The following SLC9A4 variants were observed in gnomAD, a reference collection of about 807,000 sequenced individuals.
SLC9A4 encodes sodium/hydrogen exchanger 4.
Under a neutral mutation model 67.4 loss-of-function variants are expected in SLC9A4, and 63 were observed. That is an observed-to-expected ratio of 0.93 (90% confidence interval 0.76 to 1.15). The LOEUF (loss-of-function observed/expected upper bound fraction) is 1.15, where lower values mean the gene tolerates loss of function less well. SLC9A4 is among the 50% of genes most tolerant of loss of function. SLC9A4 has a pLI of 0.00. For synonymous variants in SLC9A4, 393 were observed against 367.2 expected (o/e 1.07, Z -0.80); for missense variants, 1,089 against 987.7 (o/e 1.10, Z -1.38).
rs557658860 is a variant in SLC9A4 at position 102,528,878 on chromosome 2, T to A, written c.2038+2532T>A. 3.9e-5 allele frequency among the ~76,000 whole-genome samples: 6 copies of A among 152,196 alleles called. No homozygotes were observed. The East Asian group carries it at 1.2e-3, about 29-fold the overall frequency. On this transcript the variant is annotated intron_variant, in intron 11 of 11. Coordinates refer to ENST00000295269, the MANE Select transcript of SLC9A4 (RefSeq NM_001011552.4). ...AAAGCCATAAAATGCCAGGAAGAAA[T>A]AGACAGGATATATATGAAGGAAAAA... is the stretch of plus-strand genomic sequence containing the variant.
At chr2:102,509,976 G>A (rs546346686) in intron 6 of SLC9A4, among the ~76,000 whole-genome samples, 1 of 151,244 alleles carries the variant, frequency 6.6e-6, no homozygotes, top group Non-Finnish European at 1.5e-5. Context: ...CACCCTCTGG[G>A]TTCTCAATTT....
intron 1 of SLC9A4, among the ~76,000 whole-genome samples, chr2:102,474,540 G>A (rs1339495867): frequency 6.6e-6 from 1 of 152,172 alleles, no homozygotes; most frequent in African/African-American, 2.4e-5. Flanking sequence ...GTGATGGGAT[G>A]TCGGGGCATA....
chr2:102,473,885 T>G lies in SLC9A4; in HGVS notation c.126T>G (p.Ser42=). Reference sequence around the variant, plus strand: ...CAAATTCCACTGCTCAGTATGCATCTAACGCTTGGTTTGCTGCTGCCAGCT... The same window carrying G: ...CAAATTCCACTGCTCAGTATGCATCGAACGCTTGGTTTGCTGCTGCCAGCT... ...ESANSTAQYA[S]NAWFAAASSE... The change falls in exon 1 of 12, where the codon TCT becomes TCG. Residue 42 remains serine, a synonymous_variant. Transcript: ENST00000295269. 6.2e-7 allele frequency: 1 copy of G among 1,614,138 alleles called. No homozygotes were observed. Among genetic ancestry groups the G allele is most frequent in the Non-Finnish European group, 8.5e-7 (1 of 1,179,958 alleles).
intron 1 of SLC9A4, among the ~76,000 whole-genome samples, chr2:102,475,151 C>G (rs1485324431): frequency 6.6e-6 from 1 of 152,190 alleles, no homozygotes; most frequent in Non-Finnish European, 1.5e-5. Flanking sequence ...ATAAGTTACA[C>G]AAAGGATCTT....
In SLC9A4 at chr2:102,518,796, T is replaced by G. The variant is rs114028774; in HGVS notation, c.1722-1063T>G. Among the ~76,000 whole-genome samples the G allele has an allele frequency of 9.1e-3, 1,389 of 152,264 alleles. 18 individuals carry two copies. Among genetic ancestry groups the G allele is most frequent in the African/African-American group, 0.027 (1,108 of 41,554 alleles). On this transcript the variant is annotated intron_variant, in intron 8 of 11. Coordinates refer to ENST00000295269, the MANE Select transcript of SLC9A4 (RefSeq NM_001011552.4). ...TGTGGCCAATTATCTTAAGAGCATA[T>G]GCAAGCAGATATCAAAGGCTTCAGT...
chr2:102,481,688 C>T (rs1311672534), intron 2 of SLC9A4, among the ~76,000 whole-genome samples: 1 of 151,974 alleles, frequency 6.6e-6, no homozygotes, highest in African/African-American at 2.4e-5. Context: ...TTCTTCCATT[C>T]TATTATTTAA....
intron 2 of SLC9A4, among the ~76,000 whole-genome samples, chr2:102,482,112 A>T (rs6751666): frequency 6.6e-6 from 1 of 152,144 alleles, no homozygotes; most frequent in African/African-American, 2.4e-5. Context: ...CAAGCTTCAC[A>T]AAAAGCCACA....
In SLC9A4 at chr2:102,473,908, G is replaced by A. The variant is rs1489345593; in HGVS notation, c.149G>A (p.Ser50Asn). 1.2e-6 allele frequency: 2 copies of A among 1,614,012 alleles called. No homozygotes were observed. Among genetic ancestry groups the A allele is most frequent in the Non-Finnish European group, 1.7e-6 (2 of 1,179,974 alleles). The change falls in exon 1 of 12, where the codon AGC becomes AAC. Residue 50 changes from serine (S) to asparagine (N), a missense_variant. Physicochemically the swap from Ser to Asn is conservative, Grantham distance 46. Coordinates refer to ENST00000295269, the MANE Select transcript of SLC9A4 (RefSeq NM_001011552.4). ...YASNAWFAAA[S>N]SEPEEGISVF... ...TCTAACGCTTGGTTTGCTGCTGCCA[G>A]CTCAGAGCCAGAGGAAGGGATATCT...
intron 10 of SLC9A4, 142 bp downstream of exon 10, chr2:102,525,297 T>A: frequency 1.5e-6 from 2 of 1,356,980 alleles, no homozygotes; most frequent in Non-Finnish European, 1.0e-6. Flanking sequence ...TGAGAGATAC[T>A]AAAGCAAGAG....
chr2:102,513,482 A>G lies in SLC9A4; in HGVS notation c.1560-608A>G, dbSNP rs550038185. Among the ~76,000 whole-genome samples the G allele has an allele frequency of 1.2e-4, 18 of 152,382 alleles. No individual in the cohort carries two copies. The East Asian group carries it at 3.1e-3, about 26-fold the overall frequency. The stretch of plus-strand genomic sequence containing the variant: ...CGCAGCTCAGTCGAATGGGCTGGCC[A>G]GAGGTTCCTTACAATAGTCAGCGGC... On this transcript the variant is annotated intron_variant, in intron 7 of 11. Transcript: ENST00000295269.
At chr2:102,526,136 C>T in intron 10 of SLC9A4, 123 bp from the exon 11 acceptor site, 1 of 974,502 alleles carries the variant, frequency 1.0e-6, no homozygotes, top group Non-Finnish European at 1.5e-6. Context: ...GATCCGCCCT[C>T]TTCTGCCTCC....
chr2:102,476,103 G>A (rs1034247224), intron 1 of SLC9A4, among the ~76,000 whole-genome samples: 2 of 152,124 alleles, frequency 1.3e-5, no homozygotes, highest in East Asian at 1.9e-4. Flanking sequence ...TACTCTGACA[G>A]AAAAACATCA....
intron 1 of SLC9A4, 51 bp downstream of exon 1, chr2:102,474,066 T>G: frequency 6.3e-7 from 1 of 1,577,874 alleles, no homozygotes; most frequent in Non-Finnish European, 8.6e-7. Flanking sequence ...CATAAGATAG[T>G]GAATGTGAAA....
At chr2:102,483,518 C>T (rs537706006) in intron 2 of SLC9A4, among the ~76,000 whole-genome samples, 1 of 152,148 alleles carries the variant, frequency 6.6e-6, no homozygotes, top group African/African-American at 2.4e-5. Flanking sequence ...CACGAAAGAG[C>T]TGCCTTCCCA....
At position 102,478,848 on chromosome 2, in the gene SLC9A4, T is replaced by G; in HGVS notation, c.266T>G (p.Leu89Arg). 1 of 1,613,902 alleles carries G rather than the reference T, an allele frequency of 6.2e-7. No homozygotes were observed. Among genetic ancestry groups the G allele is most frequent in the Non-Finnish European group, 8.5e-7 (1 of 1,179,882 alleles). The change falls in exon 2 of 12, where the codon CTC becomes CGC. Residue 89 changes from leucine (L) to arginine (R), a missense_variant. Transcript: ENST00000295269. ...LASLAKIGFH[L>R]YHRLPGLMPE... ...CTTCGCTGTTCTGCAGGCTTCCACC[T>G]CTACCACAGGCTGCCAGGCCTCATG...
chr2:102,499,220 A>T (rs1459672326), intron 2 of SLC9A4, among the ~76,000 whole-genome samples: 1 of 152,166 alleles, frequency 6.6e-6, no homozygotes, highest in Non-Finnish European at 1.5e-5. Context: ...GCAGTTAGAG[A>T]TCTGAGGGGC....
At chr2:102,503,793 AT>A in intron 3 of SLC9A4, 86 bp downstream of exon 3, 1 of 1,516,380 alleles carries the variant, frequency 6.6e-7, no homozygotes, top group South Asian at 1.3e-5. Flanking sequence ...TGGGAAAGAC[AT>A]AACCAATGAC....
chr2:102,499,173 C>T (rs1179190562), intron 2 of SLC9A4, among the ~76,000 whole-genome samples: 1 of 152,192 alleles, frequency 6.6e-6, no homozygotes, highest in South Asian at 2.1e-4. Context: ...CCCTGCCAAG[C>T]TCAGGCCTTA....
At chr2:102,485,573 A>C (rs1038987736) in intron 2 of SLC9A4, among the ~76,000 whole-genome samples, 1 of 152,170 alleles carries the variant, frequency 6.6e-6, no homozygotes, top group Non-Finnish European at 1.5e-5. Flanking sequence ...TCTCCATGCC[A>C]TTCCCTCCTG....
Sources: gnomAD v4.1 joint callset for allele counts (sites outside exome capture counted in the v4.1 genomes callset) on GRCh38, gnomAD v4.1.1 for gene constraint, MANE v1.5 for transcripts, NCBI Gene and HGNC (gene_info 2026-07-23, HGNC 2026-07-21) for gene names.